Variants in ITGAD observed in about 807,000 individuals in gnomAD.
ITGAD encodes the protein integrin subunit alpha D.
In ITGAD, 105 loss-of-function variants were observed where a neutral mutation model predicts 139.0. The observed-to-expected ratio is 0.76, with a 90% confidence interval of 0.65 to 0.89. The LOEUF (loss-of-function observed/expected upper bound fraction) is 0.89. ITGAD is among the 40% of genes least tolerant of loss of function. The pLI is 0.00. For synonymous variants in ITGAD, 569 were observed against 598.3 expected (o/e 0.95, Z 0.71); for missense variants, 1,384 against 1,487.3 (o/e 0.93, Z 1.14).
chr16:31,401,829 T>G (rs74015519), intron 5 of ITGAD, among the ~76,000 whole-genome samples: 5,529 of 152,306 alleles, frequency 0.036, 330 homozygotes, highest in African/African-American at 0.12. Flanking sequence ...TTGCTAAACA[T>G]TCGCCCTTGA....
rs776484849 is a variant in ITGAD at position 31,423,923 on chromosome 16, C to G, written c.3124C>G (p.Leu1042Val). Residue 1042 changes from leucine to valine, a missense_variant, in exon 27 of 30, where the codon CTG (leucine) becomes GTG (valine). Physicochemically the swap from Leu to Val is conservative, Grantham distance 32. Transcript: ENST00000389202. ...FSVQEELDFT[L>V]KGNLSFGWVR... ...CGTCCAGGAGGAGCTGGATTTCACCCTGAAGGGCAATCTCAGTTTCGGCTG... is the reference window on the plus strand; with the variant it reads ...CGTCCAGGAGGAGCTGGATTTCACCGTGAAGGGCAATCTCAGTTTCGGCTG... The G allele has an allele frequency of 1.2e-6, 2 of 1,614,090 alleles. No homozygotes were observed. Among genetic ancestry groups the G allele is most frequent in the African/African-American group, 1.3e-5 (1 of 74,930 alleles).
At chr16:31,409,560 T>C (rs1051458738) in intron 10 of ITGAD, among the ~76,000 whole-genome samples, 1 of 152,036 alleles carries the variant, frequency 6.6e-6, no homozygotes, top group Non-Finnish European at 1.5e-5. Flanking sequence ...CAGGAGGAAA[T>C]GCCTGTGGCT....
intron 2 of ITGAD, among the ~76,000 whole-genome samples, chr16:31,395,874 C>T (rs911376474): frequency 2.6e-5 from 4 of 152,082 alleles, no homozygotes; most frequent in African/African-American, 9.7e-5. Flanking sequence ...GAGCTCCAAC[C>T]GCGCACCCCT....
rs964546097 is a variant in ITGAD, at chr16:31,408,753, A to G, written c.1083+255A>G. 4 of 431,378 alleles carry G rather than the reference A, an allele frequency of 9.3e-6. No homozygotes were observed. In the East Asian group the frequency reaches 1.7e-4, roughly 19 times the overall value. The allele number at this position is 431,378 out of a possible 1,614,324, so 26.7% of individuals were successfully genotyped here. On this transcript the variant is annotated intron_variant, in intron 10 of 29. Coordinates refer to ENST00000389202, the MANE Select transcript of ITGAD (RefSeq NM_005353.3). ...CTCAGATAGCACTAAGCATCAGGGT[A>G]GAGAGAGAGATAGCCAGAGGAGCCT... is the stretch of plus-strand genomic sequence containing the variant.
At position 31,414,441 on chromosome 16, in the gene ITGAD, T is replaced by G; in HGVS notation, c.1997-10T>G. 6.2e-7 allele frequency: 1 copy of G among 1,613,274 alleles called. No homozygotes were observed. Among genetic ancestry groups the G allele is most frequent in the Non-Finnish European group, 8.5e-7 (1 of 1,179,318 alleles). Reference sequence around the variant, plus strand: ...TGCCTTTTCATTTTGCACTCTCCCCTGCACTTCAGGTGACATCCAAAGCTC... The same window carrying G: ...TGCCTTTTCATTTTGCACTCTCCCCGGCACTTCAGGTGACATCCAAAGCTC... On this transcript the variant is annotated splice_polypyrimidine_tract_variant and intron_variant, in intron 16 of 29. Coordinates refer to ENST00000389202, the MANE Select transcript of ITGAD (RefSeq NM_005353.3).
rs1392938150 is a variant in ITGAD, at chr16:31,424,169, A to G, written c.3227A>G (p.Gln1076Arg). The G allele has an allele frequency of 6.2e-7, 1 of 1,614,210 alleles. No homozygotes were observed. The highest frequency in any genetic ancestry group is 1.7e-5 in the Admixed American group (1 of 60,024). The change falls in exon 28 of 30, where the codon CAG becomes CGG. Residue 1076 changes from glutamine to arginine, a missense_variant. Coordinates refer to ENST00000389202, the MANE Select transcript of ITGAD (RefSeq NM_005353.3). The stretch of plus-strand genomic sequence containing the variant: ...ACGTTCGACACATCCGTGTACTCCC[A>G]GCTTCCAGGACAGGAGGCATTTATG... ...EITFDTSVYS[Q>R]LPGQEAFMRA... is the part of the protein sequence containing the mutation.
intron 20 of ITGAD, among the ~76,000 whole-genome samples, 165 bp from the exon 21 acceptor site, chr16:31,417,910 G>A (rs1428795546): frequency 6.6e-6 from 1 of 151,568 alleles, no homozygotes; most frequent in African/African-American, 2.4e-5. Flanking sequence ...TCATGCCATT[G>A]CACTCCAGCC....
rs143616456 is a variant in ITGAD at position 31,410,482 on chromosome 16, A to C, written c.1171A>C (p.Asn391His). Residue 391 changes from asparagine (N) to histidine (H), a missense_variant, in exon 11 of 30, where the codon AAC becomes CAC. Coordinates refer to ENST00000389202, the MANE Select transcript of ITGAD (RefSeq NM_005353.3). Reference sequence around the variant, plus strand: ...CCCAAATATGAGCCCCACCTTCATCAACATGTCTCAGGAGAATGTGGACAT... The same window carrying C: ...CCCAAATATGAGCCCCACCTTCATCCACATGTCTCAGGAGAATGTGGACAT... ...YPPNMSPTFI[N>H]MSQENVDMRD... The C allele has an allele frequency of 3.1e-4, 497 of 1,613,678 alleles. No individual in the cohort carries two copies. Among genetic ancestry groups the C allele is most frequent in the Non-Finnish European group, 4.0e-4 (467 of 1,179,940 alleles).
intron 10 of ITGAD, among the ~76,000 whole-genome samples, chr16:31,409,347 A>C (rs556531091): frequency 1.4e-4 from 19 of 133,116 alleles, no homozygotes; most frequent in East Asian, 8.4e-4. Context: ...GCAAAAAAAA[A>C]CAAAAACAAA....
intron 18 of ITGAD, 31 bp from the exon 19 acceptor site, chr16:31,416,182 G>C: frequency 6.4e-7 from 1 of 1,557,788 alleles, no homozygotes; most frequent in Non-Finnish European, 8.8e-7. Context: ...TAAGATGTCA[G>C]ATGGGAACAG....
At chr16:31,409,605 G>C (rs759492251) in intron 10 of ITGAD, among the ~76,000 whole-genome samples, 4 of 152,116 alleles carry the variant, frequency 2.6e-5, no homozygotes, top group Non-Finnish European at 5.9e-5. Flanking sequence ...CACAGAGGAG[G>C]CGACATTGAC....
chr16:31,408,292 G>A, intron 9 of ITGAD, 133 bp from the exon 10 acceptor site: 1 of 736,674 alleles, frequency 1.4e-6, no homozygotes, highest in Admixed American at 2.1e-5. Flanking sequence ...AGTCTTGATG[G>A]GCCATTCCTG....
chr16:31,408,012 C>A, intron 9 of ITGAD, 96 bp downstream of exon 9: 1 of 1,342,082 alleles, frequency 7.5e-7, no homozygotes, highest in Non-Finnish European at 1.0e-6. Context: ...TCACTTTGTC[C>A]CCAGGCTGGA....
chr16:31,412,926 T>G lies in ITGAD; in HGVS notation c.1796T>G (p.Met599Arg), dbSNP rs953860050. The change falls in exon 15 of 30, where the codon ATG (methionine) becomes AGG (arginine). Residue 599 changes from methionine (M) to arginine (R), a missense_variant. By Grantham distance (91) the Met-to-Arg change is moderately conservative. Coordinates refer to ENST00000389202, the MANE Select transcript of ITGAD (RefSeq NM_005353.3). ...GGQDLTQDGL[M>R]DLAVGARGQV... is the part of the protein sequence containing the mutation. ...CAGGACCTCACCCAGGATGGACTGA[T>G]GGACCTGGCCGTGGGGGCCCGGGGC... The G allele has an allele frequency of 2.5e-5, 40 of 1,612,724 alleles. No homozygotes were observed. The highest frequency in any genetic ancestry group is 3.3e-5 in the Non-Finnish European group (39 of 1,179,436).
At chr16:31,404,417 T>G (rs1261875455) in intron 7 of ITGAD, 1 of 151,990 alleles carries the variant, frequency 6.6e-6, no homozygotes, top group African/African-American at 2.4e-5. Context: ...GTGCTAGAAT[T>G]TGGCTTAAAC....
At position 31,403,697 on chromosome 16, in the gene ITGAD, AACC is replaced by A; in HGVS notation, c.704+53_704+55del. 3 of 1,607,590 alleles carry A rather than the reference AACC, an allele frequency of 1.9e-6. No homozygotes were observed. The highest frequency in any genetic ancestry group is 2.6e-6 in the Non-Finnish European group (3 of 1,175,266). On this transcript the variant is annotated intron_variant, in intron 7 of 29. Transcript: ENST00000389202. The surrounding 1 kb of genome is among the most constrained non-coding windows in gnomAD (Gnocchi z 4.4). The stretch of plus-strand genomic sequence containing the variant: ...GATGTGACTGCCACCCCCACTTCCT[AACC>A]CTGGGTCAGCACAGCTCTTCTCAGA...
intron 5 of ITGAD, among the ~76,000 whole-genome samples, chr16:31,399,469 G>A (rs1019334002): frequency 3.9e-5 from 6 of 152,170 alleles, no homozygotes; most frequent in African/African-American, 1.4e-4. Context: ...AGGCCATGAT[G>A]ACAGGCATGC....
rs778790670 is a variant in ITGAD at position 31,424,215 on chromosome 16, G to A, written c.3261+12G>A. The A allele has an allele frequency of 4.3e-6, 7 of 1,613,950 alleles. No individual in the cohort carries two copies. The highest frequency in any genetic ancestry group is 2.7e-5 in the African/African-American group (2 of 74,938). On this transcript the variant is annotated intron_variant, in intron 28 of 29. Coordinates refer to ENST00000389202, the MANE Select transcript of ITGAD (RefSeq NM_005353.3). The stretch of plus-strand genomic sequence containing the variant: ...TTATGAGAGCTCAGGTAGAGACCAT[G>A]TGGAGGGCAGCGACCAGCTGGAAAG...
Position 31,424,597 on chromosome 16 carries a change from C to CTTTT in ITGAD, c.3372+33_3372+36dup. 46 of 1,200,882 alleles carry CTTTT rather than the reference C, an allele frequency of 3.8e-5. No homozygotes were observed. The highest frequency in any genetic ancestry group is 1.5e-4 in the South Asian group (10 of 65,962). The allele number at this position is 1,200,882 out of a possible 1,614,324, so 74.4% of individuals were successfully genotyped here. Reference sequence around the variant, plus strand: ...TACAAGGCAAGTGTTTTATCCAACTCTTTTTTTTTTTTTTTTGAGATGGAG... The same window carrying CTTTT: ...TACAAGGCAAGTGTTTTATCCAACTCTTTTTTTTTTTTTTTTTTTTGAGATGGAG... On this transcript the variant is annotated intron_variant, in intron 29 of 29. Coordinates refer to ENST00000389202, the MANE Select transcript of ITGAD (RefSeq NM_005353.3).
Sources: gnomAD v4.1 joint callset for allele counts (sites outside exome capture counted in the v4.1 genomes callset) on GRCh38, gnomAD v4.1.1 for gene constraint, Gnocchi (gnomAD v3.1) non-coding constraint, MANE v1.5 for transcripts, NCBI Gene and HGNC (gene_info 2026-07-23, HGNC 2026-07-21) for gene names.